CFAP97: variants seen among roughly 807,000 people sequenced by gnomAD.
The protein encoded by CFAP97 is cilia- and flagella-associated protein 97.
In CFAP97, 36 loss-of-function variants were observed where a neutral mutation model predicts 43.1. The observed-to-expected ratio is 0.84, with a 90% CI of 0.64 to 1.10. The LOEUF (loss-of-function observed/expected upper bound fraction) is 1.10, where lower values mean the gene tolerates loss of function less well. Among genes scored for constraint, CFAP97 ranks in the 50% least tolerant of loss-of-function variants. The pLI, the probability that CFAP97 is intolerant of heterozygous loss-of-function variation, is 0.00. For synonymous variants in CFAP97, 228 were observed against 225.7 expected (o/e 1.01, Z -0.09); for missense variants, 657 against 620.3 (o/e 1.06, Z -0.63).
At chr4:185,195,613 C>T (rs1479854726) in intron 1 of CFAP97, among the ~76,000 whole-genome samples, 2 of 152,234 alleles carry the variant, frequency 1.3e-5, no homozygotes, top group Middle Eastern at 3.4e-3. Flanking sequence ...GAAGGATACA[C>T]ATTAAACATG....
At chr4:185,200,113 C>T (rs937431887) in intron 1 of CFAP97, among the ~76,000 whole-genome samples, 8 of 152,200 alleles carry the variant, frequency 5.3e-5, no homozygotes, top group Non-Finnish European at 1.2e-4. Flanking sequence ...GTCAAAATAT[C>T]AACATCAACA....
intron 2 of CFAP97, among the ~76,000 whole-genome samples, chr4:185,178,213 A>G (rs1406857617): frequency 6.6e-6 from 1 of 150,384 alleles, no homozygotes; most frequent in Non-Finnish European, 1.5e-5. Context: ...AATTAATAGT[A>G]AGCTATTTTC....
At chr4:185,179,471 A>G (rs1735695449) in intron 2 of CFAP97, among the ~76,000 whole-genome samples, 1 of 152,228 alleles carries the variant, frequency 6.6e-6, no homozygotes, top group African/African-American at 2.4e-5. Flanking sequence ...AGGCTAGGTC[A>G]TAAAAGGCAA....
chr4:185,176,312 C>T (rs1735541054), intron 2 of CFAP97, among the ~76,000 whole-genome samples: 1 of 151,984 alleles, frequency 6.6e-6, no homozygotes, highest in African/African-American at 2.4e-5. Flanking sequence ...AGGGTTTCAC[C>T]ATGTTGCCCA....
chr4:185,181,218 C>T (rs1472897185), intron 2 of CFAP97, among the ~76,000 whole-genome samples: 2 of 149,578 alleles, frequency 1.3e-5, no homozygotes, highest in Non-Finnish European at 1.5e-5. Context: ...GGAGGTTGCA[C>T]TACTGCACTC....
chr4:185,205,037 T>C (rs1382617484), upstream of CFAP97, among the ~76,000 whole-genome samples: 6 of 152,250 alleles, frequency 3.9e-5, no homozygotes, highest in South Asian at 4.1e-4. Flanking sequence ...GTAGGAAATA[T>C]GGGTCTTACC....
upstream of CFAP97, among the ~76,000 whole-genome samples, chr4:185,205,585 T>G (rs1469884982): frequency 6.6e-6 from 1 of 152,156 alleles, no homozygotes; most frequent in Non-Finnish European, 1.5e-5. Flanking sequence ...ATTCCGCACT[T>G]TGAGAGGCTG....
intron 1 of CFAP97, among the ~76,000 whole-genome samples, chr4:185,194,760 A>C (rs3112876): frequency 0.011 from 1,625 of 152,354 alleles, 23 homozygotes; most frequent in African/African-American, 0.033. Flanking sequence ...TCTATACTGA[A>C]TTAATAATAC....
chr4:185,201,155 C>T (rs1351626158), intron 1 of CFAP97, among the ~76,000 whole-genome samples: 1 of 151,838 alleles, frequency 6.6e-6, no homozygotes, highest in Non-Finnish European at 1.5e-5. Context: ...GAAACCTCAT[C>T]TCTACTACAA....
chr4:185,170,367 C>T (rs1237551085), intron 3 of CFAP97: 2 of 493,568 alleles, frequency 4.1e-6, no homozygotes, highest in East Asian at 6.7e-5. Context: ...AATAAAGTTA[C>T]TCCTGTATAC....
At chr4:185,183,982 T>C (rs946969658) in intron 2 of CFAP97, among the ~76,000 whole-genome samples, 1 of 152,248 alleles carries the variant, frequency 6.6e-6, no homozygotes, top group Non-Finnish European at 1.5e-5. Flanking sequence ...GGATTATTTT[T>C]CTTATTTAAA....
upstream of CFAP97, among the ~76,000 whole-genome samples, chr4:185,208,170 G>A (rs186970652): frequency 5.3e-3 from 810 of 152,066 alleles, 9 homozygotes; most frequent in Admixed American, 0.017. Context: ...GTGCAATGGC[G>A]CGATGTCGGC....
At chr4:185,200,744 G>C (rs1030008821) in intron 1 of CFAP97, among the ~76,000 whole-genome samples, 1 of 152,022 alleles carries the variant, frequency 6.6e-6, no homozygotes, top group Admixed American at 6.6e-5. Context: ...CTGGGATCAT[G>C]CCAAAGCACT....
intron 2 of CFAP97, among the ~76,000 whole-genome samples, chr4:185,187,921 G>A (rs1266488977): frequency 1.3e-5 from 2 of 151,984 alleles, no homozygotes; most frequent in Non-Finnish European, 2.9e-5. Context: ...TTTTTGAGAC[G>A]GAGTCTCGCT....
At chr4:185,169,066 A>G (rs1280517187) in intron 3 of CFAP97, 1 of 152,240 alleles carries the variant, frequency 6.6e-6, no homozygotes, top group Non-Finnish European at 1.5e-5. Flanking sequence ...GTGTGTGGTG[A>G]GAACACCTAA....
At chr4:185,165,503 G>C (rs997994737) in intron 3 of CFAP97, among the ~76,000 whole-genome samples, 6 of 152,172 alleles carry the variant, frequency 3.9e-5, no homozygotes, top group South Asian at 2.1e-4. Flanking sequence ...TACCGAGGTA[G>C]ACCAAACAGC....
chr4:185,168,510 G>A (rs1271917930), intron 3 of CFAP97, among the ~76,000 whole-genome samples: 2 of 152,024 alleles, frequency 1.3e-5, no homozygotes, highest in Non-Finnish European at 2.9e-5. Flanking sequence ...GGGAGGCTGA[G>A]GCAGGGGAAT....
At chr4:185,191,417 A>G (rs372739218) in intron 1 of CFAP97, among the ~76,000 whole-genome samples, 2 of 152,240 alleles carry the variant, frequency 1.3e-5, no homozygotes, top group Admixed American at 6.5e-5. Flanking sequence ...TCTGAAAAAT[A>G]AAAAAGTCCC....
chr4:185,169,592 T>C (rs1735212381), intron 3 of CFAP97: 1 of 979,846 alleles, frequency 1.0e-6, no homozygotes, highest in African/African-American at 1.7e-5. Flanking sequence ...TTATTTTATA[T>C]CCAGGAATTA....
Sources: gnomAD v4.1 joint callset for allele counts (sites outside exome capture counted in the v4.1 genomes callset) on GRCh38, gnomAD v4.1.1 for gene constraint, MANE v1.5 for transcripts, NCBI Gene and HGNC (gene_info 2026-07-23, HGNC 2026-07-21) for gene names.